Variants in SCAPER observed in about 807,000 individuals in gnomAD.
The protein encoded by SCAPER is S phase cyclin A-associated protein in the endoplasmic reticulum.
In SCAPER, 98 loss-of-function variants were observed where a neutral mutation model predicts 182.2. The observed-to-expected ratio is 0.54, with a 90% CI of 0.46 to 0.64. The LOEUF is 0.64. SCAPER is among the 30% of genes least tolerant of loss of function. The pLI is 0.00. For missense variants in SCAPER, 1,432 were observed against 1,690.0 expected (o/e 0.85, Z 2.68); for synonymous variants, 605 against 564.6 (o/e 1.07, Z -1.01).
chr15:76,664,948 T>C (rs2056459989), intron 21 of SCAPER, among the ~76,000 whole-genome samples: 1 of 152,176 alleles, frequency 6.6e-6, no homozygotes, highest in African/African-American at 2.4e-5. Flanking sequence ...TATAATCCCA[T>C]GGGTCAAGCT....
At chr15:76,759,621 T>C (rs2151235549) in intron 14 of SCAPER, among the ~76,000 whole-genome samples, 1 of 152,356 alleles carries the variant, frequency 6.6e-6, no homozygotes, top group South Asian at 2.1e-4. Context: ...TGGCCTATAT[T>C]GTGTGGAGTA....
At chr15:76,894,390 C>T (rs2074318364) in intron 1 of SCAPER, among the ~76,000 whole-genome samples, 1 of 152,052 alleles carries the variant, frequency 6.6e-6, no homozygotes, top group African/African-American at 2.4e-5. Context: ...ATGCCTGAGA[C>T]TAGTCTCTAC....
chr15:76,880,276 GAC>G (rs777344034), intron 2 of SCAPER, among the ~76,000 whole-genome samples: 26 of 152,132 alleles, frequency 1.7e-4, no homozygotes, highest in Non-Finnish European at 3.4e-4. Context: ...AAATACAAAA[GAC>G]AGTTGTCCTA....
intron 5 of SCAPER, among the ~76,000 whole-genome samples, chr15:76,820,066 G>C (rs1260059951): frequency 1.3e-5 from 2 of 152,024 alleles, no homozygotes; most frequent in Non-Finnish European, 2.9e-5. Context: ...TTTGAATGGT[G>C]ATCATTAAAA....
intron 5 of SCAPER, among the ~76,000 whole-genome samples, chr15:76,828,174 C>G (rs2068164756): frequency 6.6e-6 from 1 of 151,642 alleles, no homozygotes; most frequent in Non-Finnish European, 1.5e-5. Context: ...CTGTCTATAA[C>G]TATGAGAAAT....
At chr15:76,369,229 C>T (rs1439185357) in intron 29 of SCAPER, among the ~76,000 whole-genome samples, 1 of 152,210 alleles carries the variant, frequency 6.6e-6, no homozygotes, top group African/African-American at 2.4e-5. Context: ...GATGCCCTGT[C>T]TTATAAAGAC....
chr15:76,555,000 C>T (rs1286965926), intron 23 of SCAPER, among the ~76,000 whole-genome samples: 4 of 151,978 alleles, frequency 2.6e-5, no homozygotes, highest in East Asian at 1.9e-4. Context: ...AGGCTGGTCT[C>T]GAACTCCTGA....
chr15:76,350,819 T>G (rs2141620827), intron 31 of SCAPER: 1 of 153,970 alleles, frequency 6.5e-6, no homozygotes, highest in Admixed American at 6.5e-5. Flanking sequence ...GGGGAAACTG[T>G]GGGCTACTAT....
At chr15:76,588,351 CTCTTTG>C (rs2048843275) in intron 22 of SCAPER, among the ~76,000 whole-genome samples, 1 of 152,122 alleles carries the variant, frequency 6.6e-6, no homozygotes, top group Admixed American at 6.5e-5. Context: ...TATAATGTCC[CTCTTTG>C]TCTTTTTCAA....
chr15:76,540,338 G>C (rs905306430), intron 23 of SCAPER, among the ~76,000 whole-genome samples: 4 of 151,886 alleles, frequency 2.6e-5, no homozygotes, highest in Admixed American at 2.6e-4. Flanking sequence ...GGAGTTCAAG[G>C]CTGCAGTGAG....
At chr15:76,743,007 C>T (rs1442227580) in intron 15 of SCAPER, among the ~76,000 whole-genome samples, 1 of 152,022 alleles carries the variant, frequency 6.6e-6, no homozygotes, top group Non-Finnish European at 1.5e-5. Context: ...AACTGCTTCA[C>T]AACATGCATA....
intron 21 of SCAPER, among the ~76,000 whole-genome samples, chr15:76,649,358 A>C (rs1851734345): frequency 6.6e-6 from 1 of 152,024 alleles, no homozygotes; most frequent in South Asian, 2.1e-4. Flanking sequence ...TGAGCCTGAG[A>C]AGTTGAGGCT....
intron 25 of SCAPER, among the ~76,000 whole-genome samples, chr15:76,443,250 T>G (rs1309914468): frequency 6.6e-6 from 1 of 152,210 alleles, no homozygotes; most frequent in East Asian, 1.9e-4. Context: ...ATTTCAATTA[T>G]TTTTGCACCA....
intron 25 of SCAPER, among the ~76,000 whole-genome samples, chr15:76,460,311 T>C (rs1006706760): frequency 5.3e-5 from 8 of 152,296 alleles, no homozygotes; most frequent in African/African-American, 1.7e-4. Context: ...AAGAATTTTA[T>C]TTTTATAGCT....
intron 21 of SCAPER, among the ~76,000 whole-genome samples, chr15:76,648,546 C>G (rs568022894): frequency 1.3e-5 from 2 of 152,244 alleles, no homozygotes; most frequent in African/African-American, 4.8e-5. Flanking sequence ...GAATATCAAA[C>G]AGAATAAACA....
At chr15:76,897,629 C>T (rs1156473614) in intron 1 of SCAPER, among the ~76,000 whole-genome samples, 3 of 152,108 alleles carry the variant, frequency 2.0e-5, no homozygotes, top group East Asian at 1.9e-4. Flanking sequence ...ATTGCTTGAA[C>T]CCGGGAGGCA....
intron 20 of SCAPER, among the ~76,000 whole-genome samples, chr15:76,668,012 T>C (rs1421164207): frequency 6.6e-6 from 1 of 152,076 alleles, no homozygotes; most frequent in Non-Finnish European, 1.5e-5. Flanking sequence ...AGGTGGAACA[T>C]TTCCACAATC....
chr15:76,809,720 G>A (rs2066447962), intron 5 of SCAPER, among the ~76,000 whole-genome samples: 1 of 152,076 alleles, frequency 6.6e-6, no homozygotes, highest in Admixed American at 6.6e-5. Context: ...TCCCAAACCT[G>A]GGTGAGGAAC....
At position 76,354,071 on chromosome 15, in the gene SCAPER, T is replaced by C; in HGVS notation, c.3925A>G (p.Ser1309Gly). The change falls in exon 30 of 32, where the codon AGT (serine) becomes GGT (glycine). Residue 1309 changes from serine (S) to glycine (G), a missense_variant. Transcript: ENST00000563290. The surrounding 1 kb of genome is among the most constrained non-coding windows in gnomAD (Gnocchi z 4.4). ...KLCQLPFQYF[S>G]DPRLIKVLFP... ...AGTACTTTGATCAGCCGTGGGTCAC[T>C]GAAATACTGGAAGGGCAACTGGCAG... 6.2e-7 allele frequency: 1 copy of C among 1,611,562 alleles called. No homozygotes were observed. The highest frequency in any genetic ancestry group is 1.1e-5 in the South Asian group (1 of 90,686).
Sources: gnomAD v4.1 joint callset for allele counts (sites outside exome capture counted in the v4.1 genomes callset) on GRCh38, gnomAD v4.1.1 for gene constraint, Gnocchi (gnomAD v3.1) non-coding constraint, MANE v1.5 for transcripts, NCBI Gene and HGNC (gene_info 2026-07-23, HGNC 2026-07-21) for gene names.